Variants in XPO5 observed in about 807,000 individuals in gnomAD.
XPO5 encodes exportin 5, also known as exportin-5.
XPO5 carries 46 observed loss-of-function variants against 160.6 expected under a neutral mutation model. The ratio of observed to expected loss-of-function variants is 0.29; its 90% confidence interval spans 0.23 to 0.37. XPO5 has a LOEUF of 0.37. Ranked by LOEUF, XPO5 falls within the 10% of genes least tolerant of loss-of-function variation. The pLI is 1.00. For synonymous variants in XPO5, 537 were observed against 519.3 expected (o/e 1.03, Z -0.46); for missense variants, 1,090 against 1,463.9 (o/e 0.74, Z 4.17).
intron 17 of XPO5, 75 bp downstream of exon 17, chr6:43,549,414 G>T: frequency 7.1e-7 from 1 of 1,405,354 alleles, no homozygotes; most frequent in Non-Finnish European, 9.7e-7. Context: ...TTCTTTATGT[G>T]AGGTACACTG....
At position 43,560,935 on chromosome 6, in the gene XPO5, G is replaced by A; in HGVS notation, c.1084C>T (p.His362Tyr). ...YLESFLAFTT[H>Y]PSQFLRSSTQ... ...TGTATAAAGTTTACCTGACTTGGATGGGTTGTGAAAGCAAGAAAAGATTCC... is the reference window on the plus strand; with the variant it reads ...TGTATAAAGTTTACCTGACTTGGATAGGTTGTGAAAGCAAGAAAAGATTCC... The change falls in exon 10 of 32, where the codon CAT becomes TAT. Residue 362 changes from histidine (H) to tyrosine (Y), a missense_variant. Physicochemically the swap from His to Tyr is moderately conservative, Grantham distance 83. Coordinates refer to ENST00000265351, the MANE Select transcript of XPO5 (RefSeq NM_020750.3). 6.2e-7 allele frequency: 1 copy of A among 1,613,758 alleles called. No individual in the cohort carries two copies. The highest frequency in any genetic ancestry group is 8.5e-7 in the Non-Finnish European group (1 of 1,179,716).
At chr6:43,553,319 GA>G in intron 14 of XPO5, 53 bp downstream of exon 14, 3 of 1,559,672 alleles carry the variant, frequency 1.9e-6, no homozygotes, top group African/African-American at 1.4e-5. Flanking sequence ...AAAGAGAAAA[GA>G]AAAGAAAAAG....
rs1491529922 is a variant in XPO5 at position 43,573,823 on chromosome 6, A to ATAT, written c.106-223_106-222insATA. Among the ~76,000 whole-genome samples the ATAT allele has an allele frequency of 0.011, 1,332 of 126,148 alleles. 16 individuals are homozygous for ATAT. Among genetic ancestry groups the ATAT allele is most frequent in the Non-Finnish European group, 0.017 (1,073 of 62,612 alleles). The allele number at this position is 126,148 out of a possible 152,430, so 82.8% of individuals were successfully genotyped here. On this transcript the variant is annotated intron_variant, in intron 1 of 31. Coordinates refer to ENST00000265351, the MANE Select transcript of XPO5 (RefSeq NM_020750.3). ...CTATTAAATATATATATATATATAT[A>ATAT]TTTTTTTTTTTTTTTTTTGAGACGG...
At chr6:43,573,381 T>C (rs1763110980) in intron 2 of XPO5, 99 bp downstream of exon 2, 4 of 1,461,806 alleles carry the variant, frequency 2.7e-6, no homozygotes, top group Admixed American at 2.1e-5. Flanking sequence ...TCTTGGAGAT[T>C]GCTCTTCTCT....
chr6:43,528,978 C>A (rs1793773942), intron 23 of XPO5, 53 bp from the exon 24 acceptor site: 8 of 1,530,238 alleles, frequency 5.2e-6, no homozygotes, highest in Non-Finnish European at 7.1e-6. Context: ...CTCTCACCTG[C>A]CAGGTGGTGG....
chr6:43,557,635 T>C (rs1341618314), intron 12 of XPO5, among the ~76,000 whole-genome samples: 4 of 151,946 alleles, frequency 2.6e-5, no homozygotes. Context: ...CTAGTGGATA[T>C]AGGATTTATT....
In XPO5 at chr6:43,528,790, T is replaced by C. The variant is rs748786340; in HGVS notation, c.2775+38A>G. On this transcript the variant is annotated intron_variant, in intron 24 of 31. Coordinates refer to ENST00000265351, the MANE Select transcript of XPO5 (RefSeq NM_020750.3). ...GCTCAGAAATGGCCAGAGGCCTTAA[T>C]AGTACTCTTTGCTTCCTGTTCCTGA... The C allele has an allele frequency of 2.5e-6, 4 of 1,581,750 alleles. No homozygotes were observed. The East Asian group carries it at 6.7e-5, about 27-fold the overall frequency.
In XPO5 at chr6:43,572,576, A is replaced by C. The variant is rs1054288015; in HGVS notation, c.230T>G (p.Phe77Cys). 1 of 1,613,796 alleles carries C rather than the reference A, an allele frequency of 6.2e-7. No individual in the cohort carries two copies. Among genetic ancestry groups the C allele is most frequent in the Non-Finnish European group, 8.5e-7 (1 of 1,179,876 alleles). The change falls in exon 3 of 32, where the codon TTT becomes TGT. Residue 77 changes from phenylalanine to cysteine, a missense_variant and splice_region_variant. By Grantham distance (205) the Phe-to-Cys change is radical (BLOSUM62 -2). Coordinates refer to ENST00000265351, the MANE Select transcript of XPO5 (RefSeq NM_020750.3). ...GLQILEHVVKFRWNGMSRLEK... is the reference protein window; with the variant it reads ...GLQILEHVVKCRWNGMSRLEK... ...CAATCGAGACATGCCGTTCCACCGAAACCTGACCACCAAAATGCATAAAGT... is the reference window on the plus strand; with the variant it reads ...CAATCGAGACATGCCGTTCCACCGACACCTGACCACCAAAATGCATAAAGT...
At chr6:43,567,979 T>C (rs567779336) in intron 6 of XPO5, among the ~76,000 whole-genome samples, 3 of 149,702 alleles carry the variant, frequency 2.0e-5, no homozygotes, top group South Asian at 2.1e-4. Flanking sequence ...TTTTTTTTTT[T>C]ACTTCCCTTC....
At chr6:43,561,918 G>A (rs144195546) in intron 9 of XPO5, 124 of 180,122 alleles carry the variant, frequency 6.9e-4, no homozygotes, top group Non-Finnish European at 1.1e-3. Context: ...TCCATGTTTC[G>A]TGGGCTAACA....
At chr6:43,549,982 G>C in intron 15 of XPO5, 48 bp from the exon 16 acceptor site, 1 of 1,585,844 alleles carries the variant, frequency 6.3e-7, no homozygotes. Context: ...TTGTTTTAGA[G>C]ATGAGATCTT....
chr6:43,552,820 T>C (rs1271255881), intron 14 of XPO5, among the ~76,000 whole-genome samples: 1 of 152,224 alleles, frequency 6.6e-6, no homozygotes, highest in South Asian at 2.1e-4. Flanking sequence ...GTGGCCACTA[T>C]ACTGGTGGCG....
chr6:43,563,896 T>A (rs1299099849), intron 8 of XPO5, among the ~76,000 whole-genome samples: 1 of 152,130 alleles, frequency 6.6e-6, no homozygotes, highest in African/African-American at 2.4e-5. Flanking sequence ...GTAGACTTTA[T>A]AAATTCTGTA....
intron 20 of XPO5, among the ~76,000 whole-genome samples, chr6:43,541,924 T>C (rs1044174575): frequency 1.3e-5 from 2 of 152,084 alleles, no homozygotes; most frequent in African/African-American, 4.8e-5. Flanking sequence ...GTTACAAGCA[T>C]GCACACCACC....
At chr6:43,571,909 TAAAAG>T (rs1422317713) in intron 3 of XPO5, among the ~76,000 whole-genome samples, 2 of 150,792 alleles carry the variant, frequency 1.3e-5, no homozygotes, top group Non-Finnish European at 2.9e-5. Flanking sequence ...TTGTTTGGAA[TAAAAG>T]AAAATAGTGT....
rs899468619 is a variant in XPO5, at chr6:43,576,007, A to G, written c.-143T>C. On this transcript the variant is annotated 5_prime_UTR_variant, in exon 1 of 32. Transcript: ENST00000265351. ...AGCTGGAGGAGGAGCGTTAGCAGCAACTCGCGCTGGGAAGAAGCCGGCGCT... is the reference window on the plus strand; with the variant it reads ...AGCTGGAGGAGGAGCGTTAGCAGCAGCTCGCGCTGGGAAGAAGCCGGCGCT... The G allele has an allele frequency of 7.2e-6, 5 of 692,468 alleles. No individual in the cohort carries two copies. Among genetic ancestry groups the G allele is most frequent in the African/African-American group, 3.8e-5 (2 of 53,164 alleles). 42.9% of individuals were successfully genotyped at this position (692,468 alleles called of 1,614,324 possible). A position where few individuals can be genotyped will look rare whatever the true frequency, so the allele number is the denominator to read the frequency against.
At chr6:43,554,510 C>T (rs1031686267) in intron 13 of XPO5, among the ~76,000 whole-genome samples, 2 of 151,830 alleles carry the variant, frequency 1.3e-5, no homozygotes, top group Non-Finnish European at 2.9e-5. Context: ...CTGAAACCTC[C>T]ACCTCCTGGG....
rs753842110 is a variant in XPO5, at chr6:43,533,884, A to G, written c.2443+23T>C. 122 of 1,546,648 alleles carry G rather than the reference A, an allele frequency of 7.9e-5. No homozygotes were observed. In the Admixed American group the frequency reaches 2.0e-3, roughly 26 times the overall value. On this transcript the variant is annotated intron_variant, in intron 21 of 31. Transcript: ENST00000265351. ...CATTAGGGATAAGATAAACCTTAGGAGAAAAAAGGTTACATTTCTTACCTA... is the reference window on the plus strand; with the variant it reads ...CATTAGGGATAAGATAAACCTTAGGGGAAAAAAGGTTACATTTCTTACCTA...
At chr6:43,572,775 G>A (rs1286301069) in intron 2 of XPO5, among the ~76,000 whole-genome samples, 197 bp from the exon 3 acceptor site, 1 of 152,148 alleles carries the variant, frequency 6.6e-6, no homozygotes, top group African/African-American at 2.4e-5. Context: ...CTTGGGAAAA[G>A]GTTTTATATA....
Sources: allele counts gnomAD v4.1 joint callset (sites outside exome capture counted in the v4.1 genomes callset), GRCh38; gene constraint gnomAD v4.1.1; transcripts MANE v1.5; gene names NCBI Gene and HGNC (gene_info 2026-07-23, HGNC 2026-07-21).